Variants in CRACD observed in about 807,000 individuals in gnomAD.
CRACD encodes capping protein-inhibiting regulator of actin dynamics.
In CRACD, 56 loss-of-function variants were observed where a neutral mutation model predicts 106.8. The observed-to-expected ratio is 0.52, with a 90% CI of 0.42 to 0.66. The LOEUF (loss-of-function observed/expected upper bound fraction) is 0.66. CRACD is among the 30% of genes least tolerant of loss of function. CRACD has a pLI of 0.00. For synonymous variants in CRACD, 754 were observed against 670.8 expected (o/e 1.12, Z -1.92); for missense variants, 1,730 against 1,623.2 (o/e 1.07, Z -1.13).
At chr4:56,088,132 C>CTT (rs11305512) in intron 1 of CRACD, among the ~76,000 whole-genome samples, 2 of 131,940 alleles carry the variant, frequency 1.5e-5, no homozygotes, top group Admixed American at 7.5e-5. Context: ...TAGATTGTTT[C>CTT]TTTTTTTTTT....
chr4:56,117,388 G>A (rs1195323318), intron 1 of CRACD, among the ~76,000 whole-genome samples: 2 of 152,052 alleles, frequency 1.3e-5, no homozygotes, highest in Non-Finnish European at 2.9e-5. Context: ...AGTGAAATAA[G>A]CCAGTCACAA....
chr4:56,180,482 C>A (rs1266346265), intron 2 of CRACD, among the ~76,000 whole-genome samples: 1 of 148,706 alleles, frequency 6.7e-6, no homozygotes. Context: ...GTGCAAGACT[C>A]CATCTCAAAA....
At chr4:56,309,214 T>C (rs1744964609) in intron 5 of CRACD, 1 of 318,958 alleles carries the variant, frequency 3.1e-6, no homozygotes, top group South Asian at 2.7e-5. Flanking sequence ...CCGGATTGTA[T>C]AGACCATGGG....
Position 56,061,289 on chromosome 4 carries a change from G to T in CRACD, c.-336+11990G>T, listed in dbSNP as rs376797799. ...GGGCTCAAAGGATCCTCCTACCTCA[G>T]CCTCCCAAGTAGCTGGGACTATAGG... On this transcript the variant is annotated intron_variant, in intron 1 of 10. Transcript: ENST00000682029. Among the ~76,000 whole-genome samples, 4 of 152,210 alleles carry T rather than the reference G, an allele frequency of 2.6e-5. No individual in the cohort carries two copies. The South Asian group carries it at 8.3e-4, about 32-fold the overall frequency.
chr4:56,226,449 A>G (rs1739308506), intron 2 of CRACD, among the ~76,000 whole-genome samples: 1 of 152,218 alleles, frequency 6.6e-6, no homozygotes. Flanking sequence ...CGTTGGCTCA[A>G]TTAACCTCCA....
At chr4:56,290,023 G>A (rs751561937) in intron 3 of CRACD, among the ~76,000 whole-genome samples, 1 of 152,162 alleles carries the variant, frequency 6.6e-6, no homozygotes, top group Non-Finnish European at 1.5e-5. Context: ...CTGTGTGAGG[G>A]CTGTCCCTGT....
At chr4:56,210,655 C>A (rs1325063891) in intron 2 of CRACD, among the ~76,000 whole-genome samples, 1 of 152,220 alleles carries the variant, frequency 6.6e-6, no homozygotes, top group Non-Finnish European at 1.5e-5. Flanking sequence ...TTCCCCATAA[C>A]TAAAGTTCCT....
intron 1 of CRACD, among the ~76,000 whole-genome samples, chr4:56,056,970 C>CA (rs1171498340): frequency 6.6e-6 from 1 of 152,134 alleles, no homozygotes; most frequent in Non-Finnish European, 1.5e-5. Flanking sequence ...AAAGAGAATG[C>CA]AAAATATGTC....
intron 4 of CRACD, among the ~76,000 whole-genome samples, chr4:56,306,417 A>G (rs2109743284): frequency 6.6e-6 from 1 of 152,190 alleles, no homozygotes; most frequent in African/African-American, 2.4e-5. Flanking sequence ...TCACCTGAGC[A>G]TGGGAGAATC....
At position 56,074,734 on chromosome 4, in the gene CRACD, TGGTGAGAGAGGGCATCCTTGTCTTGTGCC is replaced by T. The variant is rs548017744; in HGVS notation, c.-336+25439_-336+25467del. On this transcript the variant is annotated intron_variant, in intron 1 of 10. Coordinates refer to ENST00000682029, the MANE Select transcript of CRACD (RefSeq NM_001393381.1). ...ACTTCAATACTATGTTGAATAGGAG[TGGTGAGAGAGGGCATCCTTGTCTTGTGCC>T]GGTTTTCAAAGGGAATGGTTCCAGT... Among the ~76,000 whole-genome samples the T allele has an allele frequency of 3.9e-5, 6 of 152,096 alleles. No individual in the cohort carries two copies. In the South Asian group the frequency reaches 1.2e-3, roughly 32 times the overall value.
intron 1 of CRACD, among the ~76,000 whole-genome samples, chr4:56,104,840 G>A (rs1247847500): frequency 1.3e-5 from 2 of 151,932 alleles, no homozygotes; most frequent in Non-Finnish European, 2.9e-5. Flanking sequence ...GGTGGCGGGT[G>A]CCTGTAATCC....
intron 1 of CRACD, among the ~76,000 whole-genome samples, chr4:56,124,206 G>C (rs573500332): frequency 1.1e-3 from 169 of 152,294 alleles, no homozygotes; most frequent in African/African-American, 3.9e-3. Context: ...CCAAAGTGCT[G>C]GGATTACAGG....
intron 2 of CRACD, among the ~76,000 whole-genome samples, chr4:56,260,960 G>A (rs370597301): frequency 6.6e-6 from 1 of 151,846 alleles, no homozygotes; most frequent in East Asian, 1.9e-4. Flanking sequence ...CTTCCTGCTG[G>A]TTCTGTTTCT....
intron 1 of CRACD, among the ~76,000 whole-genome samples, chr4:56,099,343 C>T (rs910610729): frequency 1.3e-5 from 2 of 152,066 alleles, no homozygotes; most frequent in African/African-American, 4.8e-5. Context: ...TGAAGTTGGA[C>T]CTAATAGATA....
At chr4:56,160,386 G>A (rs989934267) in intron 1 of CRACD, among the ~76,000 whole-genome samples, 1 of 151,938 alleles carries the variant, frequency 6.6e-6, no homozygotes, top group East Asian at 1.9e-4. Context: ...GTCTTGCCAT[G>A]TTGCCCAGGC....
chr4:56,197,424 A>G (rs1257015634), intron 2 of CRACD, among the ~76,000 whole-genome samples: 1 of 152,166 alleles, frequency 6.6e-6, no homozygotes, highest in Non-Finnish European at 1.5e-5. Context: ...TTTTCTCTTT[A>G]GGAAAGTAGA....
At chr4:56,120,978 T>C (rs954288862) in intron 1 of CRACD, among the ~76,000 whole-genome samples, 1 of 152,236 alleles carries the variant, frequency 6.6e-6, no homozygotes, top group African/African-American at 2.4e-5. Flanking sequence ...CTGAGACTTA[T>C]CAAGGTCTTG....
intron 1 of CRACD, among the ~76,000 whole-genome samples, chr4:56,173,134 AC>A (rs1736446635): frequency 6.6e-6 from 1 of 152,128 alleles, no homozygotes; most frequent in South Asian, 2.1e-4. Flanking sequence ...TTTTAGGGTG[AC>A]CCCACAGATC....
chr4:56,255,481 T>TAA (rs10564197), intron 2 of CRACD, among the ~76,000 whole-genome samples: 2 of 147,586 alleles, frequency 1.4e-5, no homozygotes, highest in Admixed American at 6.7e-5. Context: ...ACTGACTCTT[T>TAA]AAAAAAAAAA....
Sources: allele counts gnomAD v4.1 joint callset (sites outside exome capture counted in the v4.1 genomes callset), GRCh38; gene constraint gnomAD v4.1.1; transcripts MANE v1.5; gene names NCBI Gene and HGNC (gene_info 2026-07-23, HGNC 2026-07-21).